Variants in FOXN3 observed in about 807,000 individuals in gnomAD.
FOXN3 encodes the protein forkhead box N3, also known as forkhead box protein N3.
In FOXN3, 7 loss-of-function variants were observed where a neutral mutation model predicts 38.4. The observed-to-expected ratio is 0.18, with a 90% CI of 0.10 to 0.34. FOXN3 has a LOEUF of 0.34. Ranked by LOEUF, FOXN3 falls within the 10% of genes least tolerant of loss-of-function variation. FOXN3 has a pLI of 1.00. For missense variants in FOXN3, 456 were observed against 613.4 expected (o/e 0.74, Z 2.71); for synonymous variants, 230 against 242.2 (o/e 0.95, Z 0.47).
At chr14:89,269,434 C>T (rs555198767) in intron 4 of FOXN3, among the ~76,000 whole-genome samples, 4 of 151,730 alleles carry the variant, frequency 2.6e-5, no homozygotes, top group East Asian at 1.9e-4. Context: ...TTAATTTGAT[C>T]GGATCTGCCT....
At chr14:89,521,887 C>G (rs560056386) in intron 1 of FOXN3, among the ~76,000 whole-genome samples, 1 of 152,006 alleles carries the variant, frequency 6.6e-6, no homozygotes, top group South Asian at 2.1e-4. Flanking sequence ...CATGGTGGTG[C>G]ACACCTATAA....
chr14:89,456,780 T>G (rs1201934480), intron 1 of FOXN3, among the ~76,000 whole-genome samples: 1 of 151,796 alleles, frequency 6.6e-6, no homozygotes, highest in East Asian at 1.9e-4. Context: ...AATAAATAAG[T>G]GAATGAAAGA....
chr14:89,237,960 A>G (rs752807597), intron 4 of FOXN3, among the ~76,000 whole-genome samples: 5 of 152,238 alleles, frequency 3.3e-5, no homozygotes, highest in Admixed American at 2.0e-4. Context: ...ATGGGCACCA[A>G]AAAAAGTTGT....
At chr14:89,584,691 CTTCTT>C (rs1270220522) in intron 1 of FOXN3, among the ~76,000 whole-genome samples, 2 of 151,716 alleles carry the variant, frequency 1.3e-5, no homozygotes, top group African/African-American at 4.8e-5. Context: ...TGTCTTTTCT[CTTCTT>C]TTCTTCTCTT....
At chr14:89,216,666 A>T (rs1884294139) in intron 4 of FOXN3, among the ~76,000 whole-genome samples, 1 of 152,168 alleles carries the variant, frequency 6.6e-6, no homozygotes, top group Non-Finnish European at 1.5e-5. Flanking sequence ...GCCCTTGCTG[A>T]ACCAAATGTC....
chr14:89,436,568 C>T (rs1034738186), intron 1 of FOXN3, among the ~76,000 whole-genome samples: 2 of 152,154 alleles, frequency 1.3e-5, no homozygotes, highest in East Asian at 1.9e-4. Flanking sequence ...TGGGGTTCGT[C>T]GAATGGGCAG....
At chr14:89,217,688 T>C (rs1308091327) in intron 4 of FOXN3, among the ~76,000 whole-genome samples, 1 of 152,238 alleles carries the variant, frequency 6.6e-6, no homozygotes, top group Non-Finnish European at 1.5e-5. Flanking sequence ...CAATTAAAAA[T>C]TATATTTAAA....
chr14:89,237,552 A>C (rs1885015855), intron 4 of FOXN3, among the ~76,000 whole-genome samples: 1 of 152,220 alleles, frequency 6.6e-6, no homozygotes, highest in African/African-American at 2.4e-5. Context: ...GCTGGTTGTG[A>C]TATTGCACTA....
intron 3 of FOXN3, among the ~76,000 whole-genome samples, chr14:89,294,991 A>G (rs1050708338): frequency 6.6e-6 from 1 of 152,168 alleles, no homozygotes; most frequent in Non-Finnish European, 1.5e-5. Flanking sequence ...CCTTTCCTGT[A>G]ACAAATGCTT....
chr14:89,248,431 C>T (rs1459710193), intron 4 of FOXN3, among the ~76,000 whole-genome samples: 1 of 152,184 alleles, frequency 6.6e-6, no homozygotes, highest in Non-Finnish European at 1.5e-5. Flanking sequence ...TATTAATACT[C>T]TCCCCATCCC....
rs1043664984 is a variant in FOXN3, at chr14:89,436,542, G to A, written c.-14-24052C>T. 5.9e-5 allele frequency among the ~76,000 whole-genome samples: 9 copies of A among 152,262 alleles called. No individual in the cohort carries two copies. The East Asian group carries it at 7.7e-4, about 13-fold the overall frequency. On this transcript the variant is annotated intron_variant, in intron 1 of 6. Transcript: ENST00000345097. ...TGGTCTGGGTGGGACTGACCCCATC[G>A]TCTGCGCCAGAGGCATGGGGTTCGT... is the stretch of plus-strand genomic sequence containing the variant.
rs932791944 is a variant in FOXN3, at chr14:89,617,236, C to A, written c.-15+1792G>T. Reference sequence around the variant, plus strand: ...TGGGACAGTGCTTCTTTAATGAAATCGCTTTAAAGGCTCAAATGAAGATGT... The same window carrying A: ...TGGGACAGTGCTTCTTTAATGAAATAGCTTTAAAGGCTCAAATGAAGATGT... On this transcript the variant is annotated intron_variant, in intron 1 of 6. Transcript: ENST00000345097. 3.3e-5 allele frequency among the ~76,000 whole-genome samples: 5 copies of A among 152,194 alleles called. No homozygotes were observed. The East Asian group carries it at 7.7e-4, about 23-fold the overall frequency.
At chr14:89,221,516 A>C (rs1439887026) in intron 4 of FOXN3, among the ~76,000 whole-genome samples, 1 of 152,234 alleles carries the variant, frequency 6.6e-6, no homozygotes, top group African/African-American at 2.4e-5. Context: ...AAAGCCTTGC[A>C]AATCCCTTAA....
chr14:89,359,519 G>A (rs1023125008), intron 2 of FOXN3, among the ~76,000 whole-genome samples: 3 of 152,164 alleles, frequency 2.0e-5, no homozygotes, highest in African/African-American at 4.8e-5. Flanking sequence ...CAAAAGAAGC[G>A]TTTTGTCTCA....
At chr14:89,411,821 C>T (rs952466042) in intron 2 of FOXN3, 113 bp downstream of exon 2, 1 of 616,832 alleles carries the variant, frequency 1.6e-6, no homozygotes, top group African/African-American at 1.9e-5. Context: ...TAGACTAAAA[C>T]CCACTTACAA....
At chr14:89,467,213 C>G (rs1892988106) in intron 1 of FOXN3, among the ~76,000 whole-genome samples, 1 of 152,186 alleles carries the variant, frequency 6.6e-6, no homozygotes, top group South Asian at 2.1e-4. Context: ...CCCGGCAGGA[C>G]AAGCCCACAT....
intron 1 of FOXN3, among the ~76,000 whole-genome samples, chr14:89,446,878 C>T (rs530728617): frequency 1.3e-5 from 2 of 152,306 alleles, no homozygotes; most frequent in East Asian, 3.9e-4. Flanking sequence ...ATTAATATAT[C>T]TTGTACAGAT....
intron 4 of FOXN3, among the ~76,000 whole-genome samples, chr14:89,181,098 A>G (rs1887664978): frequency 6.6e-6 from 1 of 152,154 alleles, no homozygotes; most frequent in African/African-American, 2.4e-5. Flanking sequence ...ACACGGGGAA[A>G]CAGAGACAGA....
At chr14:89,472,143 TACTCTGGA>T (rs1315314365) in intron 1 of FOXN3, among the ~76,000 whole-genome samples, 3 of 151,734 alleles carry the variant, frequency 2.0e-5, no homozygotes, top group African/African-American at 7.2e-5. Context: ...TAATCCCAGC[TACTCTGGA>T]GGCTGAGGCA....
Sources: gnomAD v4.1 joint callset for allele counts (sites outside exome capture counted in the v4.1 genomes callset) on GRCh38, gnomAD v4.1.1 for gene constraint, MANE v1.5 for transcripts, NCBI Gene and HGNC (gene_info 2026-07-23, HGNC 2026-07-21) for gene names.